Variants in AGRN observed in about 807,000 individuals in gnomAD.
The protein encoded by AGRN is agrin, also known as agrin proteoglycan.
Under a neutral mutation model 211.0 loss-of-function variants are expected in AGRN, and 106 were observed. The ratio of observed to expected loss-of-function variants is 0.50; its 90% confidence interval spans 0.43 to 0.59. AGRN has a LOEUF of 0.59. Ranked by LOEUF, AGRN falls within the 20% of genes least tolerant of loss-of-function variation. AGRN has a pLI of 0.00. For missense variants in AGRN, 3,040 were observed against 2,982.6 expected (o/e 1.02, Z -0.45); for synonymous variants, 1,525 against 1,332.5 (o/e 1.14, Z -3.15).
Position 1,045,246 on chromosome 1 carries a change from AGCCCGGGGC to A in AGRN, c.2342_2350del (p.Ala781_Gly783del), listed in dbSNP as rs1203233566. The A allele has an allele frequency of 3.1e-6, 5 of 1,611,748 alleles. No homozygotes were observed. The East Asian group carries it at 1.1e-4, about 36-fold the overall frequency. On this transcript the variant is annotated inframe_deletion, in exon 13 of 36. Coordinates refer to ENST00000379370, the MANE Select transcript of AGRN (RefSeq NM_198576.4). ...GCTGCTGCCAGGACAATATCACCGC[AGCCCGGGGC>A]GTGGGCCTGGCTGGCTGCCCCAGTG...
chr1:1,049,566 G>C lies in AGRN; in HGVS notation c.4515G>C (p.Val1505=). ...VGGVPEDQAA[V]ALERTFVGAG... is the part of the protein sequence containing the mutation. ...GACCCGGTGTCCCTCCTGGTGGCAG[G>C]GCGCTGGAGCGGACCTTCGTGGGCG... Residue 1505 remains valine (V), a splice_region_variant and synonymous_variant, in exon 26 of 36, where the codon GTG becomes GTC. Transcript: ENST00000379370. The C allele has an allele frequency of 6.3e-7, 1 of 1,590,270 alleles. No homozygotes were observed. Among genetic ancestry groups the C allele is most frequent in the Non-Finnish European group, 8.6e-7 (1 of 1,169,494 alleles).
intron 3 of AGRN, among the ~76,000 whole-genome samples, chr1:1,037,368 T>G (rs995780498): frequency 6.6e-6 from 1 of 151,918 alleles, no homozygotes; most frequent in Non-Finnish European, 1.5e-5. Context: ...TGCCACAGAG[T>G]CACGGAGGGC....
At chr1:1,020,847 C>CGCG (rs1553170870) in intron 1 of AGRN, among the ~76,000 whole-genome samples, 2 of 69,592 alleles carry the variant, frequency 2.9e-5, no homozygotes, top group Admixed American at 3.1e-4. Context: ...CGCAGTGGTG[C>CGCG]GGGGGGGGGG....
At position 1,051,336 on chromosome 1, in the gene AGRN, C is replaced by G. The variant is rs141463750; in HGVS notation, c.5337C>G (p.Ala1779=). 3 of 1,555,336 alleles carry G rather than the reference C, an allele frequency of 1.9e-6. No homozygotes were observed. The South Asian group carries it at 3.5e-5, about 18-fold the overall frequency. ...PDFSKLARAA[A]VSSGFDGAIQ... is the part of the protein sequence containing the mutation. ...TCAGCAAGCTGGCCCGTGCTGCTGC[C>G]GTGTCCTCTGGCTTCGACGGTGCCA... The change falls in exon 31 of 36, where the codon GCC becomes GCG. Residue 1779 remains alanine (A), a synonymous_variant. Coordinates refer to ENST00000379370, the MANE Select transcript of AGRN (RefSeq NM_198576.4).
intron 27 of AGRN, 48 bp from the exon 28 acceptor site, chr1:1,050,175 CATGGGGTGCA>C: frequency 6.2e-7 from 1 of 1,601,272 alleles, no homozygotes; most frequent in Non-Finnish European, 8.5e-7. Flanking sequence ...ACACGGCTGG[CATGGGGTGCA>C]GGAGGCCCCG....
chr1:1,042,198 C>G (rs770507744), intron 7 of AGRN, 36 bp downstream of exon 7: 7 of 1,567,998 alleles, frequency 4.5e-6, no homozygotes, highest in Non-Finnish European at 6.0e-6. Flanking sequence ...GCGGGGTGGG[C>G]TGCTCCTGCG....
Position 1,043,434 on chromosome 1 carries a change from A to C in AGRN, c.1580A>C (p.Gln527Pro), listed in dbSNP as rs1489534034. 3.1e-6 allele frequency: 5 copies of C among 1,606,714 alleles called. No homozygotes were observed. The highest frequency in any genetic ancestry group is 1.6e-4 in the Middle Eastern group (1 of 6,074). Residue 527 changes from glutamine to proline, a missense_variant, in exon 8 of 36, where the codon CAG becomes CCG. Transcript: ENST00000379370. ...GCCTGTACCCTCGGGCGGGAGATCC[A>C]GGTGGCGCGCAAAGGACCCTGTGGT... ...ATACTLGREI[Q>P]VARKGPCDRC...
At chr1:1,045,925 T>A in intron 15 of AGRN, 39 bp from the exon 16 acceptor site, 4 of 1,610,866 alleles carry the variant, frequency 2.5e-6, no homozygotes, top group Non-Finnish European at 3.4e-6. Context: ...TGGGGTGGGG[T>A]CACCCGAGCC....
intron 12 of AGRN, among the ~76,000 whole-genome samples, chr1:1,044,703 G>A (rs1645042470): frequency 6.6e-6 from 1 of 152,144 alleles, no homozygotes; most frequent in Non-Finnish European, 1.5e-5. Flanking sequence ...CCACCGTGTG[G>A]GCACTTTCTC....
chr1:1,041,638 C>T lies in AGRN; in HGVS notation c.1113C>T (p.Gly371=). 1 of 1,611,260 alleles carries T rather than the reference C, an allele frequency of 6.2e-7. No individual in the cohort carries two copies. The highest frequency in any genetic ancestry group is 8.5e-7 in the Non-Finnish European group (1 of 1,179,176). ...CCTACGAAAACGACTGTGTCATGGG[C>T]CGATCGGGGGCCGCCCGGGGTCTCC... ...GVTYENDCVM[G]RSGAARGLLL... is the part of the protein sequence containing the mutation. The change falls in exon 6 of 36, where the codon GGC becomes GGT. Residue 371 remains glycine (G), a synonymous_variant. Coordinates refer to ENST00000379370, the MANE Select transcript of AGRN (RefSeq NM_198576.4).
Position 1,050,045 on chromosome 1 carries a change from G to A in AGRN, c.4879+8G>A, listed in dbSNP as rs1410342207. 2 of 1,560,816 alleles carry A rather than the reference G, an allele frequency of 1.3e-6. No individual in the cohort carries two copies. The highest frequency in any genetic ancestry group is 2.8e-5 in the African/African-American group (2 of 72,378). ...GCACCTTCTGCCAGACAGGTCGGGG[G>A]CGTGGGGCTCTCGGGGCAGGGGGGG... On this transcript the variant is annotated splice_region_variant and intron_variant, in intron 27 of 35. Transcript: ENST00000379370.
chr1:1,034,131 C>A, intron 2 of AGRN: 1 of 985,334 alleles, frequency 1.0e-6, no homozygotes, highest in Non-Finnish European at 1.2e-6. Flanking sequence ...CCGCTTCCGC[C>A]TCTGCCGGGG....
rs751380285 is a variant in AGRN, at chr1:1,050,068, G to GA, written c.4879+31_4879+32insA. On this transcript the variant is annotated intron_variant, in intron 27 of 35. Transcript: ENST00000379370. ...GGGCGTGGGGCTCTCGGGGCAGGGG[G>GA]GGGGGGGGGGTTGAACGTTTGGGCG... 300 of 1,346,586 alleles carry GA rather than the reference G, an allele frequency of 2.2e-4. 1 individual carries two copies. The highest frequency in any genetic ancestry group is 1.6e-3 in the East Asian group (64 of 39,608). 83.4% of individuals were successfully genotyped at this position (1,346,586 alleles called of 1,614,324 possible).
At chr1:1,041,436 G>A (rs1452134877) in intron 5 of AGRN, 39 bp downstream of exon 5, 5 of 1,552,796 alleles carry the variant, frequency 3.2e-6, no homozygotes, top group Non-Finnish European at 4.3e-6. Context: ...AGCTCTGTGG[G>A]CGCGCGGCGA....
intron 33 of AGRN, chr1:1,053,412 GC>G: frequency 7.4e-7 from 1 of 1,355,432 alleles, no homozygotes. Flanking sequence ...GTTTGCATTG[GC>G]CCCGCCTGTC....
chr1:1,044,883 G>A (rs1191219328), intron 12 of AGRN, among the ~76,000 whole-genome samples: 1 of 152,198 alleles, frequency 6.6e-6, no homozygotes, highest in African/African-American at 2.4e-5. Flanking sequence ...TTCTCGATTT[G>A]CAAGGAAGCT....
chr1:1,050,064 G>A (rs745519286), intron 27 of AGRN, 27 bp downstream of exon 27: 4 of 444,730 alleles, frequency 9.0e-6, no homozygotes, highest in African/African-American at 5.3e-4. Context: ...TCTCGGGGCA[G>A]GGGGGGGGGG....
rs1405880079 is a variant in AGRN at position 1,047,472 on chromosome 1, C to T, written c.3516+18C>T. ...AGAGCACCGTAAGACGGGGGCGCAG[C>T]CCCCACCTACCCACTGGCCTTCCTC... On this transcript the variant is annotated intron_variant, in intron 20 of 35. Transcript: ENST00000379370. 5 of 1,612,540 alleles carry T rather than the reference C, an allele frequency of 3.1e-6. No homozygotes were observed. The highest frequency in any genetic ancestry group is 1.7e-5 in the Admixed American group (1 of 59,946).
chr1:1,053,631 C>A, intron 33 of AGRN, 122 bp from the exon 34 acceptor site: 1 of 1,478,018 alleles, frequency 6.8e-7, no homozygotes, highest in Non-Finnish European at 9.2e-7. Flanking sequence ...TGCCCACCAG[C>A]CACCCCTGGG....
Sources: gnomAD v4.1 joint callset for allele counts (sites outside exome capture counted in the v4.1 genomes callset) on GRCh38, gnomAD v4.1.1 for gene constraint, MANE v1.5 for transcripts, NCBI Gene and HGNC (gene_info 2026-07-23, HGNC 2026-07-21) for gene names.